The following NRG1 variants were observed in gnomAD, a reference collection of about 807,000 sequenced individuals.
NRG1 encodes pro-neuregulin-1, membrane-bound isoform.
A neutral mutation model predicts 63.8 loss-of-function variants in NRG1; 18 were observed. The ratio of observed to expected loss-of-function variants is 0.28; its 90% CI spans 0.19 to 0.42. The LOEUF is 0.42. Among genes scored for constraint, NRG1 ranks in the 10% least tolerant of loss-of-function variants. The probability of loss-of-function intolerance (pLI) is 1.00; values close to 1 mark genes in which losing one functional copy is unlikely to be tolerated. For synonymous variants in NRG1, 302 were observed against 301.3 expected, an observed-to-expected ratio of 1.00 and a Z score of -0.02; for missense variants, 762 against 814.7, an observed-to-expected ratio of 0.94 and a Z score of 0.79.
At chr8:32,726,654 TAA>T (rs1405549709) in intron 5 of NRG1, among the ~76,000 whole-genome samples, 5 of 151,688 alleles carry the variant, frequency 3.3e-5, no homozygotes, top group Non-Finnish European at 7.4e-5. Flanking sequence ...TCAGATAGAA[TAA>T]AAATCAAGCA....
intron 5 of NRG1, among the ~76,000 whole-genome samples, chr8:32,640,619 C>T (rs1046915604): frequency 6.2e-5 from 7 of 113,744 alleles, no homozygotes; most frequent in Admixed American, 1.0e-4. Flanking sequence ...ATCTCAGACC[C>T]GCACACACAC....
intron 1 of NRG1, among the ~76,000 whole-genome samples, chr8:32,107,357 T>C (rs940345131): frequency 6.6e-6 from 1 of 152,244 alleles, no homozygotes; most frequent in African/African-American, 2.4e-5. Context: ...TGCCATTTGC[T>C]TTCAGTTTAC....
chr8:32,137,053 A>T lies in NRG1; in HGVS notation c.38-458775A>T, dbSNP rs187992924. On this transcript the variant is annotated intron_variant, in intron 1 of 10. Coordinates refer to the NRG1 transcript ENST00000519301. Reference sequence around the variant, plus strand: ...TTTATTCGATTGTGAATCAATAAACATGGGGGTTTTTTTTAAAACATGATT... The same window carrying T: ...TTTATTCGATTGTGAATCAATAAACTTGGGGGTTTTTTTTAAAACATGATT... 1.2e-3 allele frequency among the ~76,000 whole-genome samples: 186 copies of T among 152,316 alleles called. 1 individual carries two copies. The highest frequency in any genetic ancestry group is 4.2e-3 in the African/African-American group (175 of 41,566).
chr8:31,774,159 G>A (rs917818527), intron 1 of NRG1, among the ~76,000 whole-genome samples: 33 of 151,984 alleles, frequency 2.2e-4, no homozygotes, highest in African/African-American at 8.0e-4. Flanking sequence ...AGTACACTGG[G>A]GTTTTTACTT....
At chr8:31,909,760 G>C (rs1186633045) in intron 1 of NRG1, among the ~76,000 whole-genome samples, 1 of 152,142 alleles carries the variant, frequency 6.6e-6, no homozygotes, top group Non-Finnish European at 1.5e-5. Flanking sequence ...CTTTTCAAAA[G>C]AATGTTTCCT....
chr8:32,349,931 G>T (rs1273281194), intron 1 of NRG1, among the ~76,000 whole-genome samples: 2 of 152,184 alleles, frequency 1.3e-5, no homozygotes, highest in African/African-American at 4.8e-5. Flanking sequence ...TTTCAAAATG[G>T]ATGTGACGGG....
intron 1 of NRG1, among the ~76,000 whole-genome samples, chr8:31,679,720 T>C (rs2131051541): frequency 6.6e-6 from 1 of 152,132 alleles, no homozygotes; most frequent in Non-Finnish European, 1.5e-5. Context: ...GCTAAAACAA[T>C]ACAATAAGAA....
At chr8:32,582,172 A>G (rs1425882591) in intron 1 of NRG1, among the ~76,000 whole-genome samples, 1 of 151,678 alleles carries the variant, frequency 6.6e-6, no homozygotes, top group African/African-American at 2.4e-5. Context: ...GTTTCAGTTC[A>G]CTGAAGCCTA....
At chr8:32,619,319 C>T (rs72612114) in intron 5 of NRG1, among the ~76,000 whole-genome samples, 13,683 of 152,056 alleles carry the variant, frequency 0.09, 1,515 homozygotes, top group East Asian at 0.51. Context: ...GCTCATGTGC[C>T]GTGTAGGGGA....
intron 11 of NRG1, chr8:32,760,774 A>G (rs1449965875): frequency 1.2e-5 from 12 of 1,015,540 alleles, no homozygotes; most frequent in Non-Finnish European, 1.3e-5. Flanking sequence ...CCCTTCTATA[A>G]TTCCAATTGC....
chr8:31,758,527 G>T (rs1586191945), intron 1 of NRG1, among the ~76,000 whole-genome samples: 1 of 152,064 alleles, frequency 6.6e-6, no homozygotes. Flanking sequence ...ATGGAATACT[G>T]TGCAGCCATA....
At chr8:32,137,808 C>T (rs556353224) in intron 1 of NRG1, among the ~76,000 whole-genome samples, 5 of 152,268 alleles carry the variant, frequency 3.3e-5, no homozygotes, top group African/African-American at 1.2e-4. Flanking sequence ...AGAGTCTATG[C>T]GCTGCTGCAG....
At chr8:32,577,672 T>C (rs1184310998) in intron 1 of NRG1, among the ~76,000 whole-genome samples, 1 of 152,012 alleles carries the variant, frequency 6.6e-6, no homozygotes. Context: ...AACAACTTAG[T>C]TAAATCGTTG....
chr8:32,259,811 T>C (rs978945458), intron 1 of NRG1, among the ~76,000 whole-genome samples: 1 of 152,186 alleles, frequency 6.6e-6, no homozygotes, highest in Non-Finnish European at 1.5e-5. Flanking sequence ...ATAATCACAT[T>C]CCAAATTACT....
chr8:32,716,950 G>A (rs977205545), intron 5 of NRG1, among the ~76,000 whole-genome samples: 3 of 151,860 alleles, frequency 2.0e-5, no homozygotes, highest in Non-Finnish European at 4.4e-5. Context: ...CCTTCCCATT[G>A]AACAACATTA....
At chr8:32,163,111 A>G (rs930661402) in intron 1 of NRG1, among the ~76,000 whole-genome samples, 1 of 152,220 alleles carries the variant, frequency 6.6e-6, no homozygotes, top group African/African-American at 2.4e-5. Flanking sequence ...ATATTTATCC[A>G]ATAAGTGGTT....
At chr8:32,733,673 A>G (rs1564065356) in intron 6 of NRG1, among the ~76,000 whole-genome samples, 3 of 152,186 alleles carry the variant, frequency 2.0e-5, no homozygotes, top group Admixed American at 6.5e-5. Context: ...TAAAACACAG[A>G]GAAAATATAA....
intron 1 of NRG1, among the ~76,000 whole-genome samples, chr8:31,920,386 G>A (rs1833801826): frequency 6.6e-6 from 1 of 152,034 alleles, no homozygotes; most frequent in Non-Finnish European, 1.5e-5. Context: ...GAATATACTG[G>A]CAGATACTTA....
intron 5 of NRG1, among the ~76,000 whole-genome samples, chr8:32,688,079 G>C (rs1022084036): frequency 6.6e-6 from 1 of 152,112 alleles, no homozygotes; most frequent in African/African-American, 2.4e-5. Flanking sequence ...CTCCCTTAAC[G>C]TTCCAGCTAG....
Sources: gnomAD v4.1 joint callset for allele counts (sites outside exome capture counted in the v4.1 genomes callset) on GRCh38, gnomAD v4.1.1 for gene constraint, MANE v1.5 for transcripts, NCBI Gene and HGNC (gene_info 2026-07-23, HGNC 2026-07-21) for gene names.